The following MDGA2 variants were observed in gnomAD, a reference collection of about 807,000 sequenced individuals.
MDGA2 encodes the protein MAM domain-containing glycosylphosphatidylinositol anchor protein 2.
In MDGA2, 40 loss-of-function variants were observed where a neutral mutation model predicts 117.8. The observed-to-expected ratio is 0.34, with a 90% confidence interval of 0.26 to 0.44. The LOEUF is 0.44. MDGA2 is among the 20% of genes least tolerant of loss of function. MDGA2 has a pLI of 1.00. For synonymous variants in MDGA2, 452 were observed against 439.0 expected (o/e 1.03, Z -0.37); for missense variants, 1,123 against 1,250.6 (o/e 0.90, Z 1.54).
chr14:47,050,326 C>G (rs549332616), intron 7 of MDGA2, among the ~76,000 whole-genome samples: 1 of 152,124 alleles, frequency 6.6e-6, no homozygotes, highest in South Asian at 2.1e-4. Context: ...CAGTGAAATA[C>G]CAACTGTAAA....
At chr14:47,275,597 T>C (rs551746858) in intron 2 of MDGA2, among the ~76,000 whole-genome samples, 25 of 152,252 alleles carry the variant, frequency 1.6e-4, no homozygotes, top group African/African-American at 6.0e-4. Flanking sequence ...AACTGTCAAA[T>C]ATACCTAAAA....
chr14:47,069,417 G>C (rs769612196), intron 6 of MDGA2, among the ~76,000 whole-genome samples: 5 of 152,118 alleles, frequency 3.3e-5, no homozygotes, highest in Non-Finnish European at 1.5e-5. Context: ...CATCACAATT[G>C]TCATGACAGT....
intron 10 of MDGA2, among the ~76,000 whole-genome samples, chr14:46,896,986 T>C (rs1361024416): frequency 1.3e-5 from 2 of 152,164 alleles, no homozygotes; most frequent in South Asian, 2.1e-4. Context: ...GTAGTAACTA[T>C]TGAAATAGTG....
intron 8 of MDGA2, among the ~76,000 whole-genome samples, chr14:46,963,238 T>G (rs1195785336): frequency 6.6e-6 from 1 of 152,216 alleles, no homozygotes; most frequent in African/African-American, 2.4e-5. Context: ...GCTTATACAT[T>G]TGTCACTATA....
At chr14:47,428,804 A>G (rs1892741428) in intron 1 of MDGA2, among the ~76,000 whole-genome samples, 1 of 152,056 alleles carries the variant, frequency 6.6e-6, no homozygotes, top group African/African-American at 2.4e-5. Flanking sequence ...TATGTAAAAT[A>G]CATACATATA....
chr14:46,959,297 GTGTGT>G (rs1367840743), intron 8 of MDGA2, among the ~76,000 whole-genome samples: 3 of 113,906 alleles, frequency 2.6e-5, no homozygotes, highest in East Asian at 2.4e-4. Context: ...GTGTGTGTGT[GTGTGT>G]GGATACATAC....
At chr14:47,407,538 C>T (rs1055109182) in intron 1 of MDGA2, among the ~76,000 whole-genome samples, 1 of 151,974 alleles carries the variant, frequency 6.6e-6, no homozygotes. Context: ...AATTTATATC[C>T]ATGAAAATAT....
At chr14:46,945,093 A>G (rs907008582) in intron 9 of MDGA2, among the ~76,000 whole-genome samples, 6 of 152,092 alleles carry the variant, frequency 3.9e-5, no homozygotes, top group Non-Finnish European at 8.8e-5. Context: ...TTCACCCTGT[A>G]AAGAGTGCCA....
chr14:47,486,343 G>GT (rs1255001985), intron 1 of MDGA2, among the ~76,000 whole-genome samples: 7 of 152,194 alleles, frequency 4.6e-5, no homozygotes, highest in Non-Finnish European at 1.0e-4. Flanking sequence ...TGGCATCACT[G>GT]TATTTACCCA....
intron 7 of MDGA2, among the ~76,000 whole-genome samples, chr14:47,038,520 C>A (rs557018795): frequency 4.0e-4 from 61 of 152,166 alleles, no homozygotes; most frequent in African/African-American, 1.4e-3. Flanking sequence ...TTCCTCCCTG[C>A]TGAATTAAAG....
intron 1 of MDGA2, among the ~76,000 whole-genome samples, chr14:47,644,777 A>C (rs1897494054): frequency 6.6e-6 from 1 of 152,182 alleles, no homozygotes; most frequent in Admixed American, 6.5e-5. Context: ...CCCTGATTTG[A>C]TCACTACACA....
At chr14:47,051,477 A>G (rs1212323907) in intron 7 of MDGA2, among the ~76,000 whole-genome samples, 1 of 151,914 alleles carries the variant, frequency 6.6e-6, no homozygotes, top group African/African-American at 2.4e-5. Context: ...AACCTCACTG[A>G]TATCTAACAA....
chr14:46,992,817 CA>C (rs1414430461), intron 8 of MDGA2, among the ~76,000 whole-genome samples: 1 of 152,054 alleles, frequency 6.6e-6, no homozygotes, highest in Non-Finnish European at 1.5e-5. Context: ...GAATTGTGAG[CA>C]AAAATAGCAT....
chr14:47,180,222 C>G (rs1156770118), intron 3 of MDGA2, among the ~76,000 whole-genome samples: 2 of 152,046 alleles, frequency 1.3e-5, no homozygotes. Context: ...GTATGTTGTT[C>G]CCCTCTAAGC....
chr14:47,228,237 A>G (rs577066910), intron 2 of MDGA2, among the ~76,000 whole-genome samples: 1 of 152,320 alleles, frequency 6.6e-6, no homozygotes, highest in African/African-American at 2.4e-5. Flanking sequence ...TAAAATAGTC[A>G]TTTACTAAAT....
chr14:46,970,468 A>G (rs1886220138), intron 8 of MDGA2, among the ~76,000 whole-genome samples: 1 of 152,162 alleles, frequency 6.6e-6, no homozygotes, highest in Non-Finnish European at 1.5e-5. Context: ...TATCTTCAAT[A>G]AATGGTGCTG....
chr14:46,886,105 G>A (rs566484979), intron 10 of MDGA2, among the ~76,000 whole-genome samples: 131 of 152,218 alleles, frequency 8.6e-4, no homozygotes, highest in Non-Finnish European at 1.4e-3. Context: ...ATGAAAAATT[G>A]TCTTTCAAAC....
intron 2 of MDGA2, among the ~76,000 whole-genome samples, chr14:47,245,248 C>T (rs985515499): frequency 1.3e-5 from 2 of 151,710 alleles, no homozygotes; most frequent in South Asian, 2.1e-4. Flanking sequence ...AGGCTGGTCT[C>T]GAACTCCTGA....
intron 5 of MDGA2, among the ~76,000 whole-genome samples, chr14:47,120,904 G>A (rs1330905634): frequency 1.3e-5 from 2 of 152,118 alleles, no homozygotes; most frequent in South Asian, 2.1e-4. Flanking sequence ...AAATCATGCC[G>A]AGTTGTGGTA....
Sources: gnomAD v4.1 joint callset for allele counts (sites outside exome capture counted in the v4.1 genomes callset) on GRCh38, gnomAD v4.1.1 for gene constraint, MANE v1.5 for transcripts, NCBI Gene and HGNC (gene_info 2026-07-23, HGNC 2026-07-21) for gene names.